The following BBX variants were observed in gnomAD, a reference collection of about 807,000 sequenced individuals.
The protein encoded by BBX is HMG box transcription factor BBX.
A neutral mutation model predicts 100.2 loss-of-function variants in BBX; 30 were observed. The observed-to-expected ratio is 0.30, with a 90% CI of 0.22 to 0.41. BBX has a LOEUF of 0.41. Among genes scored for constraint, BBX ranks in the 10% least tolerant of loss-of-function variants. The pLI, the probability that BBX is intolerant of heterozygous loss-of-function variation, is 1.00. For synonymous variants in BBX, 376 were observed against 388.1 expected (o/e 0.97, Z 0.37); for missense variants, 1,023 against 1,129.8 (o/e 0.91, Z 1.35).
chr3:107,689,434 T>C (rs2060022394), intron 3 of BBX, among the ~76,000 whole-genome samples: 1 of 152,228 alleles, frequency 6.6e-6, no homozygotes, highest in African/African-American at 2.4e-5. Context: ...TTTGTTCCAC[T>C]TCTGCCTCAG....
At chr3:107,557,588 A>T (rs1056526560) in intron 2 of BBX, among the ~76,000 whole-genome samples, 1 of 152,228 alleles carries the variant, frequency 6.6e-6, no homozygotes, top group African/African-American at 2.4e-5. Flanking sequence ...ACTTTCCAGT[A>T]CTTACCCTCC....
At chr3:107,538,576 C>CTA (rs1320284488) in intron 2 of BBX, among the ~76,000 whole-genome samples, 1 of 151,922 alleles carries the variant, frequency 6.6e-6, no homozygotes, top group African/African-American at 2.4e-5. Flanking sequence ...TCAAATAGAA[C>CTA]TATATATATA....
rs756678873 is a variant in BBX at position 107,525,647 on chromosome 3, C to T, written c.-155-680C>T. On this transcript the variant is annotated intron_variant, in intron 1 of 17. Transcript: ENST00000325805. Reference sequence around the variant, plus strand: ...AACTTGATGGTGACCAGCAACAAAGCCGGGGTGGGATCCCTCGCTCTCTTC... The same window carrying T: ...AACTTGATGGTGACCAGCAACAAAGTCGGGGTGGGATCCCTCGCTCTCTTC... Among the ~76,000 whole-genome samples, 152 of 152,222 alleles carry T rather than the reference C, an allele frequency of 1.0e-3. 1 individual carries two copies. Among genetic ancestry groups the T allele is most frequent in the Non-Finnish European group, 2.2e-4 (15 of 68,006 alleles).
chr3:107,792,016 A>G (rs776979499), intron 15 of BBX, among the ~76,000 whole-genome samples: 2 of 152,174 alleles, frequency 1.3e-5, no homozygotes, highest in African/African-American at 2.4e-5. Flanking sequence ...CCTGAGGCTT[A>G]TGGGTAGCCC....
In BBX at chr3:107,773,245, C is replaced by T. The variant is rs769992064; in HGVS notation, c.1524C>T (p.Arg508=). The T allele has an allele frequency of 3.1e-6, 5 of 1,613,974 alleles. No homozygotes were observed. The highest frequency in any genetic ancestry group is 3.4e-6 in the Non-Finnish European group (4 of 1,179,982). Residue 508 remains arginine, a synonymous_variant, in exon 11 of 18, where the codon CGC becomes CGT. Transcript: ENST00000325805. This position sits in a 1 kb window ranked among gnomAD's most constrained non-coding sequence, Gnocchi z 4.1. ...TAGAGAAACTTGGAGATACCCCTCG[C>T]AAGAAGGTCCGCACATCCTCAAGTG... ...WGIEKLGDTP[R]KKVRTSSSGK... is the part of the protein sequence containing the mutation.
At chr3:107,741,832 T>C (rs189946879) in intron 7 of BBX, among the ~76,000 whole-genome samples, 4 of 152,316 alleles carry the variant, frequency 2.6e-5, no homozygotes, top group Admixed American at 2.0e-4. Context: ...GAGCCTTTTG[T>C]GGGAAGTATT....
intron 2 of BBX, among the ~76,000 whole-genome samples, chr3:107,570,854 G>A (rs191567970): frequency 2.0e-5 from 3 of 152,160 alleles, no homozygotes; most frequent in African/African-American, 4.8e-5. Flanking sequence ...GGACAAGTTC[G>A]CACTGGGAGT....
intron 2 of BBX, among the ~76,000 whole-genome samples, chr3:107,564,782 A>G (rs527985577): frequency 2.1e-4 from 31 of 149,612 alleles, no homozygotes; most frequent in Non-Finnish European, 4.3e-4. Flanking sequence ...TTGCTATCAG[A>G]TAGAGCAAAT....
intron 10 of BBX, among the ~76,000 whole-genome samples, chr3:107,761,221 A>G (rs922764568): frequency 2.6e-5 from 4 of 152,254 alleles, no homozygotes; most frequent in African/African-American, 4.8e-5. Context: ...TAACAAGTCT[A>G]TCAGATTGAC....
intron 2 of BBX, among the ~76,000 whole-genome samples, chr3:107,540,794 G>A (rs1416111531): frequency 6.6e-6 from 1 of 152,002 alleles, no homozygotes; most frequent in Non-Finnish European, 1.5e-5. Flanking sequence ...GATATGTCCT[G>A]GATCACCCCA....
chr3:107,699,259 A>C (rs189226579), intron 3 of BBX, among the ~76,000 whole-genome samples: 28 of 151,950 alleles, frequency 1.8e-4, no homozygotes, highest in Admixed American at 1.6e-3. Flanking sequence ...AAGCAGGGAT[A>C]AGAGTTCCAC....
chr3:107,784,467 A>G (rs929183851), intron 13 of BBX, among the ~76,000 whole-genome samples: 2 of 152,020 alleles, frequency 1.3e-5, no homozygotes, highest in African/African-American at 4.8e-5. Flanking sequence ...TTCTCTGACC[A>G]TAGTACAATG....
At chr3:107,803,190 G>A (rs182734587) in intron 17 of BBX, among the ~76,000 whole-genome samples, 16 of 152,288 alleles carry the variant, frequency 1.1e-4, no homozygotes, top group Admixed American at 6.5e-4. Flanking sequence ...AAAATAATGT[G>A]AGTAAAGATT....
At chr3:107,538,449 T>C (rs1333728386) in intron 2 of BBX, among the ~76,000 whole-genome samples, 1 of 152,188 alleles carries the variant, frequency 6.6e-6, no homozygotes. Flanking sequence ...ATTTCTGATC[T>C]ATATATTTCA....
At chr3:107,585,023 A>G (rs2052726176) in intron 2 of BBX, among the ~76,000 whole-genome samples, 1 of 152,066 alleles carries the variant, frequency 6.6e-6, no homozygotes, top group African/African-American at 2.4e-5. Flanking sequence ...ACAAAAATGC[A>G]GGTGAGTATA....
At chr3:107,793,910 T>A (rs1307717348) in intron 15 of BBX, among the ~76,000 whole-genome samples, 1 of 152,156 alleles carries the variant, frequency 6.6e-6, no homozygotes, top group Non-Finnish European at 1.5e-5. Context: ...GTTTAAATGC[T>A]AAGTTTATAA....
intron 7 of BBX, among the ~76,000 whole-genome samples, chr3:107,740,485 T>C (rs1299051047): frequency 2.0e-5 from 3 of 152,004 alleles, no homozygotes; most frequent in African/African-American, 7.3e-5. Flanking sequence ...GCCTCCTGCC[T>C]CCAGTCATCC....
At position 107,755,695 on chromosome 3, in the gene BBX, A is replaced by T. The variant is rs751578589; in HGVS notation, c.906+17A>T. 3.8e-6 allele frequency: 6 copies of T among 1,597,314 alleles called. No individual in the cohort carries two copies. The East Asian group carries it at 6.7e-5, about 18-fold the overall frequency. ...CTGGCAGAGGCAAGTTCCTAAGAAT[A>T]TATTGAGATAAGATCTGCAGAGGTG... is the stretch of plus-strand genomic sequence containing the variant. On this transcript the variant is annotated intron_variant, in intron 10 of 17. Coordinates refer to ENST00000325805, the MANE Select transcript of BBX (RefSeq NM_001142568.3).
rs183352329 is a variant in BBX, at chr3:107,791,312, A to G, written c.2353+13A>G. 47 of 1,607,042 alleles carry G rather than the reference A, an allele frequency of 2.9e-5. No homozygotes were observed. In the East Asian group the frequency reaches 6.7e-4, roughly 23 times the overall value. ...CACCCTACAGAAGGTAAGACAAGCAATGTTATTTAATTTGAGACAATCGGA... is the reference window on the plus strand; with the variant it reads ...CACCCTACAGAAGGTAAGACAAGCAGTGTTATTTAATTTGAGACAATCGGA... On this transcript the variant is annotated intron_variant, in intron 15 of 17. Transcript: ENST00000325805.
Sources: gnomAD v4.1 joint callset for allele counts (sites outside exome capture counted in the v4.1 genomes callset) on GRCh38, gnomAD v4.1.1 for gene constraint, Gnocchi (gnomAD v3.1) non-coding constraint, MANE v1.5 for transcripts, NCBI Gene and HGNC (gene_info 2026-07-23, HGNC 2026-07-21) for gene names.